Variants in FRG2 observed in about 807,000 individuals in gnomAD.
FRG2 encodes protein FRG2.
FRG2 carries 9 observed loss-of-function variants against 24.9 expected under a neutral mutation model. The ratio of observed to expected loss-of-function variants is 0.36; its 90% CI spans 0.22 to 0.63. The LOEUF (loss-of-function observed/expected upper bound fraction) is 0.63. Ranked by LOEUF, FRG2 falls within the 20% of genes least tolerant of loss-of-function variation. The pLI is 0.68. For synonymous variants in FRG2, 51 were observed against 117.2 expected, an observed-to-expected ratio of 0.44 and a Z score of 3.65; for missense variants, 126 against 305.4, an observed-to-expected ratio of 0.41 and a Z score of 4.38.
rs1739460771 is a variant in FRG2 at position 190,024,834 on chromosome 4, T to C, written c.*727A>G. The C allele has an allele frequency of 6.6e-6, 1 of 151,960 alleles. No individual in the cohort carries two copies. Among genetic ancestry groups the C allele is most frequent in the African/African-American group, 2.4e-5 (1 of 41,464 alleles). The allele number at this position is 151,960 out of a possible 1,614,324, so 9.4% of individuals were successfully genotyped here. ...GCTATTAATGGTTTGTGGATATTAGTACTCCATGGGTTCAGGCTGGAAGAG... is the reference window on the plus strand; with the variant it reads ...GCTATTAATGGTTTGTGGATATTAGCACTCCATGGGTTCAGGCTGGAAGAG... On this transcript the variant is annotated 3_prime_UTR_variant, in exon 4 of 4. Coordinates refer to ENST00000504750, the MANE Select transcript of FRG2 (RefSeq NM_001286820.2).
chr4:190,026,125 G>A, intron 3 of FRG2, 59 bp from the exon 4 acceptor site: 1 of 1,543,492 alleles, frequency 6.5e-7, no homozygotes, highest in East Asian at 2.3e-5. Flanking sequence ...CTGATTTCCA[G>A]AACCCCCTGT....
Position 190,025,455 on chromosome 4 carries a change from A to T in FRG2, c.*106T>A. On this transcript the variant is annotated 3_prime_UTR_variant, in exon 4 of 4. Transcript: ENST00000504750. ...TTCAGGTTCTGTCATTTATTAACACAGTGTGTCTAAAATTGTCACTGCTGG... is the reference window on the plus strand; with the variant it reads ...TTCAGGTTCTGTCATTTATTAACACTGTGTGTCTAAAATTGTCACTGCTGG... The T allele has an allele frequency of 2.3e-6, 1 of 432,120 alleles. No homozygotes were observed. The allele number at this position is 432,120 out of a possible 1,614,324, so 26.8% of individuals were successfully genotyped here.
In FRG2 at chr4:190,024,874, CTT is replaced by C. The variant is rs1245710985; in HGVS notation, c.*685_*686del. The C allele has an allele frequency of 6.7e-6, 1 of 148,990 alleles. No homozygotes were observed. Among genetic ancestry groups the C allele is most frequent in the African/African-American group, 2.4e-5 (1 of 41,178 alleles). The allele number at this position is 148,990 out of a possible 1,614,324, so 9.2% of individuals were successfully genotyped here. Reference sequence around the variant, plus strand: ...GGCTGGAAGAGTGAGAGCCTACAACCTTTTCTGGATTAAAAGAGAAGCAATTT... The same window carrying C: ...GGCTGGAAGAGTGAGAGCCTACAACCTTCTGGATTAAAAGAGAAGCAATTT... On this transcript the variant is annotated 3_prime_UTR_variant, in exon 4 of 4. Coordinates refer to ENST00000504750, the MANE Select transcript of FRG2 (RefSeq NM_001286820.2).
In FRG2 at chr4:190,025,837, A is replaced by G; in HGVS notation, c.564T>C (p.Tyr188=). The part of the protein sequence containing the change: ...TSVRAMSEAV[Y]QDLAQVWAQQ... ...GTGCCCACACCTGGGCTAGGTCTTGATAAACAGCCTCTGACATAGCTCGCA... is the reference window on the plus strand; with the variant it reads ...GTGCCCACACCTGGGCTAGGTCTTGGTAAACAGCCTCTGACATAGCTCGCA... Residue 188 remains tyrosine, a synonymous_variant, in exon 4 of 4, where the codon TAT becomes TAC. Coordinates refer to ENST00000504750, the MANE Select transcript of FRG2 (RefSeq NM_001286820.2). The G allele has an allele frequency of 6.2e-7, 1 of 1,613,788 alleles. No homozygotes were observed. The highest frequency in any genetic ancestry group is 1.1e-5 in the South Asian group (1 of 91,064).
In FRG2 at chr4:190,025,159, G is replaced by T. The variant is rs1469997891; in HGVS notation, c.*402C>A. The T allele has an allele frequency of 1.1e-3, 122 of 113,612 alleles. 9 individuals carry two copies. The highest frequency in any genetic ancestry group is 2.8e-3 in the Middle Eastern group (1 of 356). 7.0% of individuals were successfully genotyped at this position (113,612 alleles called of 1,614,324 possible). On this transcript the variant is annotated 3_prime_UTR_variant, in exon 4 of 4. Transcript: ENST00000504750. ...ATTGTGCCACTGCACTCCAGCCTGG[G>T]TAACATAGCAAGACTGTCTCAAAAA...
Position 190,025,709 on chromosome 4 carries a change from T to A in FRG2, c.692A>T (p.Gln231Leu). 1 of 1,588,986 alleles carries A rather than the reference T, an allele frequency of 6.3e-7. No homozygotes were observed. Among genetic ancestry groups the A allele is most frequent in the Non-Finnish European group, 8.6e-7 (1 of 1,167,882 alleles). ...CTCAGCAGGGAAGACATAAGCTGCC[T>A]GGGTGGCCATGGAATACAAGGTCTG... is the stretch of plus-strand genomic sequence containing the variant. Reference protein sequence around the residue: ...QVQTLYSMATQAAYVFPAESW... With the variant: ...QVQTLYSMATLAAYVFPAESW... Residue 231 changes from glutamine to leucine, a missense_variant, in exon 4 of 4, where the codon CAG becomes CTG. Around this residue, in one of 4 missense-constraint regions of FRG2, gnomAD observed 30 missense variants for 107.1 expected, o/e 0.28. Transcript: ENST00000504750.
In FRG2 at chr4:190,024,571, C is replaced by G. The variant is rs879999697; in HGVS notation, c.*990G>C. On this transcript the variant is annotated 3_prime_UTR_variant, in exon 4 of 4. Transcript: ENST00000504750. ...TGTATTGTAGTACGTGATGAAATCT[C>G]CATATCCTGCAATATAGTACAATCA... is the stretch of plus-strand genomic sequence containing the variant. 0.028 allele frequency: 3,865 copies of G among 139,870 alleles called. No homozygotes were observed. The highest frequency in any genetic ancestry group is 0.074 in the African/African-American group (2,571 of 34,880). The allele number at this position is 139,870 out of a possible 1,614,324, so 8.7% of individuals were successfully genotyped here. A position where few individuals can be genotyped will look rare whatever the true frequency, so the allele number is the denominator to read the frequency against.
In FRG2 at chr4:190,024,905, G is replaced by A. The variant is rs1739465477; in HGVS notation, c.*656C>T. The A allele has an allele frequency of 7.1e-6, 1 of 140,594 alleles. No homozygotes were observed. Among genetic ancestry groups the A allele is most frequent in the South Asian group, 2.5e-4 (1 of 4,034 alleles). 8.7% of individuals were successfully genotyped at this position (140,594 alleles called of 1,614,324 possible). Reference sequence around the variant, plus strand: ...TGGATTAAAAGAGAAGCAATTTCTTGGTAAGGCGGCTCATGCCTGTAATCC... The same window carrying A: ...TGGATTAAAAGAGAAGCAATTTCTTAGTAAGGCGGCTCATGCCTGTAATCC... On this transcript the variant is annotated 3_prime_UTR_variant, in exon 4 of 4. Transcript: ENST00000504750.
Position 190,026,079 on chromosome 4 carries a change from C to T in FRG2, c.335-13G>A, listed in dbSNP as rs1325523301. On this transcript the variant is annotated splice_polypyrimidine_tract_variant and intron_variant, in intron 3 of 3. Transcript: ENST00000504750. ...TCTGGACAGTTCCCTGCAAAGAAAGCATGTGAGAGACTCACCAGAGCAGTC... is the reference window on the plus strand; with the variant it reads ...TCTGGACAGTTCCCTGCAAAGAAAGTATGTGAGAGACTCACCAGAGCAGTC... 7 of 1,595,982 alleles carry T rather than the reference C, an allele frequency of 4.4e-6. No homozygotes were observed. In the East Asian group the frequency reaches 1.1e-4, roughly 26 times the overall value.
chr4:190,026,388 T>C lies in FRG2; in HGVS notation c.330A>G (p.Thr110=). 1 of 1,609,340 alleles carries C rather than the reference T, an allele frequency of 6.2e-7. No homozygotes were observed. Among genetic ancestry groups the C allele is most frequent in the Non-Finnish European group, 8.5e-7 (1 of 1,178,944 alleles). ...KMSSKDSCQD[T]AGNCPEKECS... ...CAACAAACACCAAGATTCTACCTGCTGTGTCTTGGCAGCTGTCCTTGGAAC... is the reference window on the plus strand; with the variant it reads ...CAACAAACACCAAGATTCTACCTGCCGTGTCTTGGCAGCTGTCCTTGGAAC... Residue 110 remains threonine (T), a synonymous_variant, in exon 3 of 4, where the codon ACA becomes ACG. Transcript: ENST00000504750.
At position 190,026,023 on chromosome 4, in the gene FRG2, T is replaced by C. The variant is rs1739522899; in HGVS notation, c.378A>G (p.Lys126=). ...TGTGCACAGCAGTGGAGGATCTTGA[T>C]TTTTTATTCAATGACAAGCTGCACT... is the stretch of plus-strand genomic sequence containing the variant. ...EKECSLSLNK[K]SRSSTAVHNS... Residue 126 remains lysine (K), a synonymous_variant, in exon 4 of 4, where the codon AAA becomes AAG. Coordinates refer to ENST00000504750, the MANE Select transcript of FRG2 (RefSeq NM_001286820.2). 1 of 1,613,094 alleles carries C rather than the reference T, an allele frequency of 6.2e-7. No individual in the cohort carries two copies. The highest frequency in any genetic ancestry group is 1.1e-5 in the South Asian group (1 of 91,028).
Position 190,025,855 on chromosome 4 carries a change from A to G in FRG2, c.546T>C (p.Ala182=), listed in dbSNP as rs1448024000. ...GGTCTTGATAAACAGCCTCTGACATAGCTCGCACAGAAGTCACCAAGCTTT... is the reference window on the plus strand; with the variant it reads ...GGTCTTGATAAACAGCCTCTGACATGGCTCGCACAGAAGTCACCAAGCTTT... The part of the protein sequence containing the change: ...IRKSLVTSVR[A]MSEAVYQDLA... Residue 182 remains alanine (A), a synonymous_variant, in exon 4 of 4, where the codon GCT becomes GCC. Transcript: ENST00000504750. 1.2e-4 allele frequency: 191 copies of G among 1,613,836 alleles called. 1 individual carries two copies. In the Admixed American group the frequency reaches 3.1e-3, roughly 26 times the overall value.
chr4:190,026,029 A>G lies in FRG2; in HGVS notation c.372T>C (p.Asn124=), dbSNP rs1739523291. 6.2e-7 allele frequency: 1 copy of G among 1,612,660 alleles called. No homozygotes were observed. Reference sequence around the variant, plus strand: ...CAGCAGTGGAGGATCTTGATTTTTTATTCAATGACAAGCTGCACTCCTTTT... The same window carrying G: ...CAGCAGTGGAGGATCTTGATTTTTTGTTCAATGACAAGCTGCACTCCTTTT... ...CPEKECSLSL[N]KKSRSSTAVH... is the part of the protein sequence containing the mutation. Residue 124 remains asparagine, a synonymous_variant, in exon 4 of 4, where the codon AAT becomes AAC. Coordinates refer to ENST00000504750, the MANE Select transcript of FRG2 (RefSeq NM_001286820.2).
In FRG2 at chr4:190,024,903, T is replaced by C. The variant is rs1380404204; in HGVS notation, c.*658A>G. 2 of 141,860 alleles carry C rather than the reference T, an allele frequency of 1.4e-5. No homozygotes were observed. Among genetic ancestry groups the C allele is most frequent in the African/African-American group, 5.0e-5 (2 of 40,086 alleles). 8.8% of individuals were successfully genotyped at this position (141,860 alleles called of 1,614,324 possible). ...TCTGGATTAAAAGAGAAGCAATTTC[T>C]TGGTAAGGCGGCTCATGCCTGTAAT... On this transcript the variant is annotated 3_prime_UTR_variant, in exon 4 of 4. Coordinates refer to ENST00000504750, the MANE Select transcript of FRG2 (RefSeq NM_001286820.2).
rs1739457050 is a variant in FRG2, at chr4:190,024,770, A to G, written c.*791T>C. On this transcript the variant is annotated 3_prime_UTR_variant, in exon 4 of 4. Transcript: ENST00000504750. Reference sequence around the variant, plus strand: ...TGCATAGTAATTTTACTATAATTATATCAAACTAAAAATATATAGACATTT... The same window carrying G: ...TGCATAGTAATTTTACTATAATTATGTCAAACTAAAAATATATAGACATTT... The G allele has an allele frequency of 6.6e-6, 1 of 152,284 alleles. No homozygotes were observed. The highest frequency in any genetic ancestry group is 6.5e-5 in the Admixed American group (1 of 15,292). The allele number at this position is 152,284 out of a possible 1,614,324, so 9.4% of individuals were successfully genotyped here. A position where few individuals can be genotyped will look rare whatever the true frequency, so the allele number is the denominator to read the frequency against.
At position 190,024,851 on chromosome 4, in the gene FRG2, C is replaced by A. The variant is rs1190525935; in HGVS notation, c.*710G>T. The A allele has an allele frequency of 7.3e-5, 11 of 151,038 alleles. No individual in the cohort carries two copies. The highest frequency in any genetic ancestry group is 2.4e-4 in the African/African-American group (10 of 41,354). The allele number at this position is 151,038 out of a possible 1,614,324, so 9.4% of individuals were successfully genotyped here. A position where few individuals can be genotyped will look rare whatever the true frequency, so the allele number is the denominator to read the frequency against. On this transcript the variant is annotated 3_prime_UTR_variant, in exon 4 of 4. Coordinates refer to ENST00000504750, the MANE Select transcript of FRG2 (RefSeq NM_001286820.2). ...GATATTAGTACTCCATGGGTTCAGGCTGGAAGAGTGAGAGCCTACAACCTT... is the reference window on the plus strand; with the variant it reads ...GATATTAGTACTCCATGGGTTCAGGATGGAAGAGTGAGAGCCTACAACCTT...
rs1364318025 is a variant in FRG2, at chr4:190,024,743, C to A, written c.*818G>T. ...ATGTAGAAATATTAAAAGTAAACAG[C>A]TTGCATAGTAATTTTACTATAATTA... is the stretch of plus-strand genomic sequence containing the variant. On this transcript the variant is annotated 3_prime_UTR_variant, in exon 4 of 4. Transcript: ENST00000504750. 8 of 152,284 alleles carry A rather than the reference C, an allele frequency of 5.3e-5. No homozygotes were observed. In the East Asian group the frequency reaches 1.5e-3, roughly 29 times the overall value. 9.4% of individuals were successfully genotyped at this position (152,284 alleles called of 1,614,324 possible).
rs1256823109 is a variant in FRG2, at chr4:190,026,054, T to A, written c.347A>T (p.Glu116Val). The A allele has an allele frequency of 6.2e-7, 1 of 1,608,346 alleles. No homozygotes were observed. The highest frequency in any genetic ancestry group is 1.7e-5 in the Admixed American group (1 of 59,596). Residue 116 changes from glutamate to valine, a missense_variant, in exon 4 of 4, where the codon GAA becomes GTA. This residue lies in a region of FRG2 where 75 missense variants were observed against 89.1 expected (regional missense o/e 0.84). Coordinates refer to ENST00000504750, the MANE Select transcript of FRG2 (RefSeq NM_001286820.2). The stretch of plus-strand genomic sequence containing the variant: ...ATTCAATGACAAGCTGCACTCCTTT[T>A]CTGGACAGTTCCCTGCAAAGAAAGC... Reference protein sequence around the residue: ...SCQDTAGNCPEKECSLSLNKK... With the variant: ...SCQDTAGNCPVKECSLSLNKK...
Position 190,025,891 on chromosome 4 carries a change from C to T in FRG2, c.510G>A (p.Pro170=), listed in dbSNP as rs200004456. ...AAGTCACCAAGCTTTTTCGAATTGA[C>T]GGTGTTTGGACTCCTAGGGCCCGAG... ...HRSRALGVQT[P]SIRKSLVTSV... is the part of the protein sequence containing the mutation. The change falls in exon 4 of 4, where the codon CCG becomes CCA. Residue 170 remains proline, a synonymous_variant. Transcript: ENST00000504750. 3.8e-4 allele frequency: 621 copies of T among 1,614,014 alleles called. 5 individuals are homozygous for T. Among genetic ancestry groups the T allele is most frequent in the South Asian group, 3.5e-3 (319 of 91,070 alleles).
Sources: gnomAD v4.1 joint callset for allele counts on GRCh38, gnomAD v4.1.1 for gene constraint, gnomAD v4.1.1 regional missense constraint, MANE v1.5 for transcripts, NCBI Gene and HGNC (gene_info 2026-07-23, HGNC 2026-07-21) for gene names.